Variants in ACTR3C observed in about 807,000 individuals in gnomAD.
The protein encoded by ACTR3C is actin-related protein 3C.
A neutral mutation model predicts 26.3 loss-of-function variants in ACTR3C; 18 were observed. The observed-to-expected ratio is 0.68, with a 90% CI of 0.47 to 1.01. ACTR3C has a LOEUF of 1.01. ACTR3C is among the 50% of genes least tolerant of loss of function. The probability of loss-of-function intolerance (pLI) is 0.00; values close to 1 mark genes in which losing one functional copy is unlikely to be tolerated. For missense variants in ACTR3C, 184 were observed against 250.7 expected (o/e 0.73, Z 1.80); for synonymous variants, 55 against 94.5 (o/e 0.58, Z 2.42).
the ACTR3C span, among the ~76,000 whole-genome samples, chr7:149,986,392 A>G: frequency 1.6e-4 from 25 of 151,858 alleles, no homozygotes; most frequent in African/African-American, 5.6e-4. Flanking sequence ...CTATTTTAAA[A>G]CTCTGGCTGT....
At chr7:150,102,418 C>T in the ACTR3C span, among the ~76,000 whole-genome samples, 1 of 152,014 alleles carries the variant, frequency 6.6e-6, no homozygotes, top group South Asian at 2.1e-4. Context: ...CTAGTTCTGG[C>T]ACATTTTGTT....
At chr7:149,914,530 A>G in the ACTR3C span, among the ~76,000 whole-genome samples, 39 of 151,926 alleles carry the variant, frequency 2.6e-4, no homozygotes, top group African/African-American at 8.9e-4. Context: ...GCGCCACTGC[A>G]CTCCAACCTG....
At chr7:149,937,485 C>T in the ACTR3C span, among the ~76,000 whole-genome samples, 1 of 152,042 alleles carries the variant, frequency 6.6e-6, no homozygotes, top group African/African-American at 2.4e-5. Flanking sequence ...TTCCTCTTTA[C>T]TGCTGAAAAT....
the ACTR3C span, among the ~76,000 whole-genome samples, chr7:150,098,381 C>T: frequency 4.0e-5 from 6 of 151,834 alleles, no homozygotes; most frequent in African/African-American, 1.5e-4. Context: ...AAGCTACTTA[C>T]TACACTTCAG....
the ACTR3C span, among the ~76,000 whole-genome samples, chr7:150,144,966 C>T: frequency 6.7e-4 from 101 of 149,710 alleles, no homozygotes; most frequent in African/African-American, 2.3e-3. The surrounding 1 kb of genome is among the most constrained non-coding windows in gnomAD (Gnocchi z 4.6). Context: ...AGGAGAATTG[C>T]GTGAAGTTGG....
chr7:150,121,251 A>T, the ACTR3C span, among the ~76,000 whole-genome samples: 1 of 152,230 alleles, frequency 6.6e-6, no homozygotes, highest in Non-Finnish European at 1.5e-5. Flanking sequence ...AAGAGAAAGA[A>T]ATAAAGCATA....
At chr7:150,250,618 T>C (rs1369222905) in intron 6 of ACTR3C, among the ~76,000 whole-genome samples, 1 of 151,830 alleles carries the variant, frequency 6.6e-6, no homozygotes, top group Non-Finnish European at 1.5e-5. Flanking sequence ...GACAAGGCCA[T>C]TGCGAGTGGA....
At chr7:150,276,609 C>T (rs1432767668) in intron 6 of ACTR3C, among the ~76,000 whole-genome samples, 1 of 152,234 alleles carries the variant, frequency 6.6e-6, no homozygotes, top group Non-Finnish European at 1.5e-5. Context: ...CCCTCAACAG[C>T]CGCCTGATGG....
At chr7:149,946,598 C>A in the ACTR3C span, among the ~76,000 whole-genome samples, 4 of 152,062 alleles carry the variant, frequency 2.6e-5, no homozygotes, top group African/African-American at 9.7e-5. Flanking sequence ...AGGTGGGTGC[C>A]CAAGTGCTGA....
the ACTR3C span, among the ~76,000 whole-genome samples, chr7:149,899,901 C>A: frequency 9.9e-5 from 12 of 121,278 alleles, no homozygotes; most frequent in Admixed American, 1.7e-4. Flanking sequence ...AACTAAAGAC[C>A]AAAAAAAAAA....
the ACTR3C span, among the ~76,000 whole-genome samples, chr7:150,037,886 G>T: frequency 3.9e-5 from 5 of 128,750 alleles, no homozygotes; most frequent in East Asian, 8.6e-4. Context: ...GAGCAAAGGG[G>T]GGAAGAGGGG....
the ACTR3C span, among the ~76,000 whole-genome samples, chr7:149,975,028 C>A: frequency 1.4e-4 from 21 of 152,290 alleles, no homozygotes; most frequent in South Asian, 4.1e-3. Context: ...CTGGCGGGAA[C>A]ACCTACATTA....
At chr7:150,254,581 C>T (rs1467717483) in intron 6 of ACTR3C, among the ~76,000 whole-genome samples, 2 of 152,216 alleles carry the variant, frequency 1.3e-5, no homozygotes, top group Non-Finnish European at 2.9e-5. Context: ...ACACCAGACT[C>T]ATCACCTGTG....
the ACTR3C span, among the ~76,000 whole-genome samples, chr7:150,076,020 T>C: frequency 6.6e-6 from 1 of 152,096 alleles, no homozygotes; most frequent in Non-Finnish European, 1.5e-5. Context: ...TAAAGGGATT[T>C]TACAGATTGT....
chr7:149,931,380 G>A, the ACTR3C span, among the ~76,000 whole-genome samples: 2 of 152,136 alleles, frequency 1.3e-5, no homozygotes, highest in African/African-American at 2.4e-5. Context: ...CAGTGCTCCC[G>A]CAATGCTCCC....
the ACTR3C span, among the ~76,000 whole-genome samples, chr7:149,943,254 T>C: frequency 7.0e-6 from 1 of 143,782 alleles, no homozygotes; most frequent in Non-Finnish European, 1.5e-5. Flanking sequence ...TATTTGACCC[T>C]TGATGTAGAA....
chr7:150,266,073 C>T (rs956457474), intron 6 of ACTR3C, among the ~76,000 whole-genome samples: 2 of 148,186 alleles, frequency 1.3e-5, no homozygotes, highest in Non-Finnish European at 2.9e-5. Context: ...TCTCTCCAGT[C>T]CAGAGTCCAG....
chr7:150,016,934 A>C, the ACTR3C span, among the ~76,000 whole-genome samples: 3 of 152,064 alleles, frequency 2.0e-5, no homozygotes, highest in Non-Finnish European at 2.9e-5. Flanking sequence ...GAATTCTTGG[A>C]GGTATTCCCA....
chr7:150,305,755 G>A (rs1205118757), intron 1 of ACTR3C, among the ~76,000 whole-genome samples: 3 of 152,136 alleles, frequency 2.0e-5, no homozygotes, highest in Admixed American at 6.6e-5. Flanking sequence ...CATAACCGGT[G>A]TAAGCTGAGT....
Sources: allele counts gnomAD v4.1 joint callset (sites outside exome capture counted in the v4.1 genomes callset), GRCh38; gene constraint gnomAD v4.1.1; non-coding constraint Gnocchi (gnomAD v3.1); transcripts MANE v1.5; gene names NCBI Gene and HGNC (gene_info 2026-07-23, HGNC 2026-07-21).